ADK: variants seen among roughly 807,000 people sequenced by gnomAD.
ADK encodes N6,N6-dimethyladenosine kinase.
Under a neutral mutation model 44.7 loss-of-function variants are expected in ADK, and 24 were observed. The observed-to-expected ratio is 0.54, with a 90% confidence interval of 0.39 to 0.76. ADK has a LOEUF of 0.76. Among genes scored for constraint, ADK ranks in the 30% least tolerant of loss-of-function variants. The probability of loss-of-function intolerance (pLI) is 0.00; values close to 1 mark genes in which losing one functional copy is unlikely to be tolerated. For synonymous variants in ADK, 128 were observed against 142.6 expected, an observed-to-expected ratio of 0.90 and a Z score of 0.73; for missense variants, 321 against 425.1, an observed-to-expected ratio of 0.76 and a Z score of 2.15.
At position 74,281,474 on chromosome 10, in the gene ADK, T is replaced by C. The variant is rs749635218; in HGVS notation, c.195-33193T>C. On this transcript the variant is annotated intron_variant, in intron 3 of 10. Coordinates refer to ENST00000539909, the MANE Select transcript of ADK (RefSeq NM_006721.4). The stretch of plus-strand genomic sequence containing the variant: ...ACATTAAATTGTTACTTGCAACTAG[T>C]GTAGCTACTTTGAAACCGTTAGGGG... Among the ~76,000 whole-genome samples the C allele has an allele frequency of 8.5e-5, 13 of 152,194 alleles. 1 individual carries two copies. The highest frequency in any genetic ancestry group is 1.5e-4 in the Non-Finnish European group (10 of 68,026).
chr10:74,498,737 CAT>C (rs1389254441), intron 6 of ADK, among the ~76,000 whole-genome samples: 1 of 152,166 alleles, frequency 6.6e-6, no homozygotes, highest in African/African-American at 2.4e-5. Context: ...CATGTGTTCT[CAT>C]TGTTCAATTC....
At chr10:74,275,988 C>G (rs1846657806) in intron 3 of ADK, among the ~76,000 whole-genome samples, 1 of 152,106 alleles carries the variant, frequency 6.6e-6, no homozygotes, top group Non-Finnish European at 1.5e-5. Context: ...TGAGTTTCAA[C>G]CAGCTTTAGA....
chr10:74,222,390 G>A (rs1191891571), intron 2 of ADK, among the ~76,000 whole-genome samples: 1 of 151,032 alleles, frequency 6.6e-6, no homozygotes, highest in Non-Finnish European at 1.5e-5. Flanking sequence ...TGGAGAAATA[G>A]GAACACTTTT....
At chr10:74,372,020 A>T in intron 4 of ADK, 1 of 775,212 alleles carries the variant, frequency 1.3e-6, no homozygotes, top group Non-Finnish European at 2.3e-6. Context: ...TTGCCATTCT[A>T]TGCAACAATA....
intron 6 of ADK, among the ~76,000 whole-genome samples, chr10:74,404,296 T>A (rs569569561): frequency 4.6e-5 from 7 of 152,262 alleles, no homozygotes; most frequent in African/African-American, 1.7e-4. Context: ...GTTTAAATTG[T>A]CAAATATATA....
rs968939382 is a variant in ADK, at chr10:74,587,294, T to A, written c.727-1988T>A. Among the ~76,000 whole-genome samples, 4 of 152,246 alleles carry A rather than the reference T, an allele frequency of 2.6e-5. No homozygotes were observed. The South Asian group carries it at 8.3e-4, about 31-fold the overall frequency. On this transcript the variant is annotated intron_variant, in intron 7 of 10. Transcript: ENST00000539909. ...AAAGTTCTAACCTTGCTTGCACAAATTGACCAGTTGTCAAGATCAATATTT... is the reference window on the plus strand; with the variant it reads ...AAAGTTCTAACCTTGCTTGCACAAAATGACCAGTTGTCAAGATCAATATTT...
intron 9 of ADK, among the ~76,000 whole-genome samples, chr10:74,632,482 CT>C (rs1484386726): frequency 6.6e-6 from 1 of 152,150 alleles, no homozygotes; most frequent in Non-Finnish European, 1.5e-5. Flanking sequence ...GAAATTGTTC[CT>C]TGTCTCTTCC....
intron 3 of ADK, among the ~76,000 whole-genome samples, chr10:74,253,361 T>C (rs1343466083): frequency 6.6e-6 from 1 of 152,158 alleles, no homozygotes; most frequent in African/African-American, 2.4e-5. Flanking sequence ...GGTCATTGGG[T>C]CATTGCCATG....
At chr10:74,478,184 T>A (rs1486398018) in intron 6 of ADK, among the ~76,000 whole-genome samples, 5 of 152,206 alleles carry the variant, frequency 3.3e-5, no homozygotes, top group Admixed American at 3.3e-4. Context: ...ACTGGGATTA[T>A]AGGCATTAGC....
At chr10:74,156,832 T>A (rs1011956470) in intron 1 of ADK, among the ~76,000 whole-genome samples, 5 of 152,088 alleles carry the variant, frequency 3.3e-5, no homozygotes, top group Admixed American at 3.3e-4. Context: ...CATAAGGATG[T>A]TGAGAGGGAA....
intron 6 of ADK, among the ~76,000 whole-genome samples, chr10:74,509,775 C>T (rs187745396): frequency 3.9e-5 from 6 of 152,204 alleles, no homozygotes; most frequent in Admixed American, 3.9e-4. Context: ...CTCTGTTCTA[C>T]CTTTTACTTC....
intron 4 of ADK, chr10:74,372,312 T>C: frequency 1.3e-6 from 1 of 755,630 alleles, no homozygotes; most frequent in Non-Finnish European, 2.4e-6. Flanking sequence ...TATTCATCAG[T>C]TCCCTACTGA....
chr10:74,589,265 T>C lies in ADK; in HGVS notation c.727-17T>C. On this transcript the variant is annotated splice_polypyrimidine_tract_variant and intron_variant, in intron 7 of 10. Transcript: ENST00000539909. ...GAGCACTTTATAATTAACTGTTCTT[T>C]TTTTTTTTTATTTCAGGAAGCTGCC... The C allele has an allele frequency of 1.2e-6, 2 of 1,602,498 alleles. No individual in the cohort carries two copies.
At chr10:74,289,904 C>T (rs1220494482) in intron 3 of ADK, among the ~76,000 whole-genome samples, 2 of 151,000 alleles carry the variant, frequency 1.3e-5, no homozygotes, top group African/African-American at 4.9e-5. Context: ...TATTGTAGTA[C>T]ACCTGAAAAT....
chr10:74,281,811 T>G (rs1846949281), intron 3 of ADK, among the ~76,000 whole-genome samples: 1 of 152,252 alleles, frequency 6.6e-6, no homozygotes, highest in Admixed American at 6.5e-5. Context: ...CATTGGAAAT[T>G]TATTTTCTTT....
intron 9 of ADK, among the ~76,000 whole-genome samples, chr10:74,658,093 A>T (rs1171186710): frequency 6.6e-6 from 1 of 152,234 alleles, no homozygotes; most frequent in East Asian, 1.9e-4. Context: ...CTGGATTCAT[A>T]TCCTAGAGTT....
At chr10:74,510,804 C>G (rs1229555630) in intron 6 of ADK, among the ~76,000 whole-genome samples, 1 of 152,140 alleles carries the variant, frequency 6.6e-6, no homozygotes, top group Non-Finnish European at 1.5e-5. Flanking sequence ...ACCTCCTAGG[C>G]TAAGGCAGTT....
chr10:74,703,272 A>G (rs910240094), intron 10 of ADK, among the ~76,000 whole-genome samples: 9 of 152,134 alleles, frequency 5.9e-5, no homozygotes, highest in African/African-American at 1.9e-4. Context: ...GCTTGAGTCC[A>G]GGAGTTCGAG....
chr10:74,621,535 A>G (rs1852992852), intron 9 of ADK, among the ~76,000 whole-genome samples: 1 of 151,972 alleles, frequency 6.6e-6, no homozygotes, highest in South Asian at 2.1e-4. Context: ...CTTGCTCAGG[A>G]TGTTTTTTAC....
Sources: allele counts gnomAD v4.1 joint callset (sites outside exome capture counted in the v4.1 genomes callset), GRCh38; gene constraint gnomAD v4.1.1; transcripts MANE v1.5; gene names NCBI Gene and HGNC (gene_info 2026-07-23, HGNC 2026-07-21).